The following WDHD1 variants were observed in gnomAD, a reference collection of about 807,000 sequenced individuals.
WDHD1 encodes WD repeat and HMG-box DNA-binding protein 1.
WDHD1 carries 111 observed loss-of-function variants against 135.4 expected under a neutral mutation model. The ratio of observed to expected loss-of-function variants is 0.82; its 90% confidence interval spans 0.70 to 0.96. The LOEUF (loss-of-function observed/expected upper bound fraction) is 0.96, where lower values mean the gene tolerates loss of function less well. WDHD1 is among the 40% of genes least tolerant of loss of function. The pLI is 0.00. For synonymous variants in WDHD1, 434 were observed against 439.0 expected (o/e 0.99, Z 0.14); for missense variants, 1,351 against 1,336.3 (o/e 1.01, Z -0.17).
intron 2 of WDHD1, 35 bp from the exon 3 acceptor site, chr14:55,013,631 C>T: frequency 4.0e-6 from 6 of 1,497,630 alleles, no homozygotes; most frequent in Non-Finnish European, 5.6e-6. Flanking sequence ...AGTCATCGGG[C>T]ATGGTGTCTC....
intron 10 of WDHD1, among the ~76,000 whole-genome samples, chr14:55,000,035 G>A (rs79201207): frequency 2.6e-5 from 4 of 152,160 alleles, no homozygotes; most frequent in Admixed American, 2.0e-4. Flanking sequence ...TCTGCAATCT[G>A]TAACCAGAAG....
chr14:54,976,754 T>A (rs934887490), intron 16 of WDHD1, among the ~76,000 whole-genome samples: 3 of 151,266 alleles, frequency 2.0e-5, no homozygotes, highest in African/African-American at 4.9e-5. Context: ...TAATAAATAA[T>A]AAATAAATAA....
chr14:54,963,184 AGGGGGGGGG>A lies in WDHD1; in HGVS notation c.2311-21_2311-13del. 1 of 174,890 alleles carries A rather than the reference AGGGGGGGGG, an allele frequency of 5.7e-6. No individual in the cohort carries two copies. Among genetic ancestry groups the A allele is most frequent in the Non-Finnish European group, 1.2e-5 (1 of 86,446 alleles). The allele number at this position is 174,890 out of a possible 1,614,324, so 10.8% of individuals were successfully genotyped here. Reference sequence around the variant, plus strand: ...AGTTTACAAGAAAGCTAATCCAAAAAGGGGGGGGGGGGGGAGATCAAATAACATCAAGTA... The same window carrying A: ...AGTTTACAAGAAAGCTAATCCAAAAAGGGGGAGATCAAATAACATCAAGTA... On this transcript the variant is annotated splice_polypyrimidine_tract_variant and intron_variant, in intron 18 of 25. Coordinates refer to ENST00000360586, the MANE Select transcript of WDHD1 (RefSeq NM_007086.4).
At chr14:54,970,847 T>C (rs1263851482) in intron 16 of WDHD1, among the ~76,000 whole-genome samples, 1 of 152,086 alleles carries the variant, frequency 6.6e-6, no homozygotes, top group Non-Finnish European at 1.5e-5. Context: ...CAAACTCTAC[T>C]TCAAGGCTAG....
At chr14:54,961,774 C>A (rs1174408185) in intron 21 of WDHD1, among the ~76,000 whole-genome samples, 2 of 152,038 alleles carry the variant, frequency 1.3e-5, no homozygotes, top group African/African-American at 2.4e-5. Context: ...AAAGGGCCAG[C>A]AGTGCCTTAC....
intron 2 of WDHD1, among the ~76,000 whole-genome samples, chr14:55,021,466 G>A (rs902853476): frequency 6.6e-6 from 1 of 151,950 alleles, no homozygotes; most frequent in African/African-American, 2.4e-5. Context: ...ATGTGCAGCG[G>A]CACAATCTCG....
intron 16 of WDHD1, among the ~76,000 whole-genome samples, chr14:54,972,590 A>AAAAAAAAAAG (rs71131244): frequency 1.4e-5 from 1 of 72,810 alleles, no homozygotes; most frequent in Non-Finnish European, 2.4e-5. Context: ...AAAAAAAAAA[A>AAAAAAAAAAG]TGCCAATGAG....
rs750324555 is a variant in WDHD1 at position 54,963,109 on chromosome 14, C to G, written c.2374G>C (p.Ala792Pro). The G allele has an allele frequency of 1.3e-6, 2 of 1,513,200 alleles. No individual in the cohort carries two copies. Among genetic ancestry groups the G allele is most frequent in the Non-Finnish European group, 1.8e-6 (2 of 1,122,612 alleles). 93.7% of individuals were successfully genotyped at this position (1,513,200 alleles called of 1,614,324 possible). A position where few individuals can be genotyped will look rare whatever the true frequency, so the allele number is the denominator to read the frequency against. Reference sequence around the variant, plus strand: ...GCATATTTAATGGCTAAATTCACAGCATTTTGAGTCATTAGATCAGCAAGT... The same window carrying G: ...GCATATTTAATGGCTAAATTCACAGGATTTTGAGTCATTAGATCAGCAAGT... Reference protein sequence around the residue: ...VELADLMTQNAVNLAIKYASR... With the variant: ...VELADLMTQNPVNLAIKYASR... The change falls in exon 19 of 26, where the codon GCT (alanine) becomes CCT (proline). Residue 792 changes from alanine (A) to proline (P), a missense_variant. Physicochemically the swap from Ala to Pro is conservative, Grantham distance 27. Transcript: ENST00000360586.
chr14:54,981,699 A>G lies in WDHD1; in HGVS notation c.1907-3T>C, dbSNP rs2041621396. 5.0e-6 allele frequency: 8 copies of G among 1,596,034 alleles called. No homozygotes were observed. The highest frequency in any genetic ancestry group is 6.9e-6 in the Non-Finnish European group (8 of 1,165,176). On this transcript the variant is annotated splice_polypyrimidine_tract_variant and splice_region_variant and intron_variant, in intron 15 of 25. Coordinates refer to ENST00000360586, the MANE Select transcript of WDHD1 (RefSeq NM_007086.4). ...TGAATCCACGTAACAAGGGGTACCTAAACACCAACAGAAAAATCACTTGGA... is the reference window on the plus strand; with the variant it reads ...TGAATCCACGTAACAAGGGGTACCTGAACACCAACAGAAAAATCACTTGGA...
At chr14:54,993,947 A>C (rs1869358340) in intron 11 of WDHD1, among the ~76,000 whole-genome samples, 1 of 152,226 alleles carries the variant, frequency 6.6e-6, no homozygotes, top group African/African-American at 2.4e-5. Flanking sequence ...TGAGACCAAA[A>C]CATTTGAGGA....
chr14:55,004,745 G>A (rs900166298), intron 7 of WDHD1: 14 of 377,604 alleles, frequency 3.7e-5, no homozygotes, highest in African/African-American at 2.9e-4. Flanking sequence ...GAGCCAGCGA[G>A]CCCGACCCAA....
intron 2 of WDHD1, among the ~76,000 whole-genome samples, chr14:55,021,414 T>G (rs1193909379): frequency 6.6e-6 from 1 of 152,204 alleles, no homozygotes; most frequent in Non-Finnish European, 1.5e-5. Context: ...TTCCTTTTTT[T>G]TTTTTTTGGA....
At chr14:55,025,735 G>GC (rs2140237233) in intron 2 of WDHD1, among the ~76,000 whole-genome samples, 1 of 152,288 alleles carries the variant, frequency 6.6e-6, no homozygotes, top group East Asian at 1.9e-4. Context: ...ACTAAACTCT[G>GC]CATCACTCTC....
chr14:54,977,086 T>TG (rs905069275), intron 16 of WDHD1, among the ~76,000 whole-genome samples: 2 of 151,674 alleles, frequency 1.3e-5, no homozygotes, highest in African/African-American at 4.9e-5. Context: ...AAAATAAGGT[T>TG]GTTTTTTTTT....
chr14:54,963,297 A>G, intron 18 of WDHD1, 125 bp from the exon 19 acceptor site: 1 of 737,804 alleles, frequency 1.4e-6, no homozygotes, highest in South Asian at 1.9e-5. Flanking sequence ...TAATTCTAAG[A>G]TGCACATTTT....
chr14:54,944,098 T>C (rs1331727399), intron 25 of WDHD1, among the ~76,000 whole-genome samples: 3 of 152,082 alleles, frequency 2.0e-5, no homozygotes, highest in African/African-American at 4.8e-5. Flanking sequence ...CTTTTTTTTT[T>C]AGTTGTCATG....
chr14:55,026,934 C>A (rs2042457590), intron 1 of WDHD1, 94 bp downstream of exon 1: 1 of 792,014 alleles, frequency 1.3e-6, no homozygotes, highest in Middle Eastern at 2.5e-4. Context: ...CCGAGTGACA[C>A]CAGCGGGATA....
At chr14:54,966,650 A>AGGCCAACTATCACC in intron 17 of WDHD1, 44 bp from the exon 18 acceptor site, 5 of 1,560,690 alleles carry the variant, frequency 3.2e-6, no homozygotes, top group South Asian at 1.2e-5. Flanking sequence ...TATCACCTTA[A>AGGCCAACTATCACC]TATGAGGCAA....
At chr14:55,010,231 G>A in intron 4 of WDHD1, 78 bp downstream of exon 4, 1 of 1,360,640 alleles carries the variant, frequency 7.3e-7, no homozygotes, top group Non-Finnish European at 9.6e-7. Flanking sequence ...TCACGGTCCT[G>A]AAAACACTAC....
Sources: gnomAD v4.1 joint callset for allele counts (sites outside exome capture counted in the v4.1 genomes callset) on GRCh38, gnomAD v4.1.1 for gene constraint, MANE v1.5 for transcripts, NCBI Gene and HGNC (gene_info 2026-07-23, HGNC 2026-07-21) for gene names.